The following UTS2B variants were observed in gnomAD, a reference collection of about 807,000 sequenced individuals.
UTS2B encodes urotensin-2B.
UTS2B carries 21 observed loss-of-function variants against 19.2 expected under a neutral mutation model. The observed-to-expected ratio is 1.09, with a 90% CI of 0.78 to 1.58. UTS2B has a LOEUF of 1.58. Ranked by LOEUF, UTS2B falls within the 40% of genes most tolerant of loss-of-function variation. The pLI is 0.00. For missense variants in UTS2B, 138 were observed against 130.3 expected, an observed-to-expected ratio of 1.06 and a Z score of -0.29; for synonymous variants, 57 against 50.2, an observed-to-expected ratio of 1.14 and a Z score of -0.58.
intron 4 of UTS2B, among the ~76,000 whole-genome samples, chr3:191,283,714 A>T (rs1475762255): frequency 1.3e-5 from 2 of 152,140 alleles, no homozygotes; most frequent in Non-Finnish European, 2.9e-5. Context: ...ACCCCCTTAA[A>T]CTTTACATCC....
chr3:191,329,832 C>A, intron 1 of UTS2B: 1 of 1,161,302 alleles, frequency 8.6e-7, no homozygotes, highest in Non-Finnish European at 1.2e-6. Context: ...GCCCGGTGCC[C>A]GCCCTGCGTT....
At chr3:191,279,122 C>T (rs774002521) in intron 5 of UTS2B, among the ~76,000 whole-genome samples, 1 of 151,950 alleles carries the variant, frequency 6.6e-6, no homozygotes, top group Non-Finnish European at 1.5e-5. Flanking sequence ...TTGATAAATT[C>T]AAACACTTAA....
intron 4 of UTS2B, among the ~76,000 whole-genome samples, chr3:191,304,030 C>T (rs960446976): frequency 2.6e-5 from 4 of 151,596 alleles, no homozygotes; most frequent in African/African-American, 9.7e-5. Context: ...AGTGCAGTGG[C>T]GCAATCTCGG....
chr3:191,342,637 G>A, the UTS2B span, among the ~76,000 whole-genome samples: 8 of 152,264 alleles, frequency 5.3e-5, no homozygotes, highest in East Asian at 1.4e-3. Context: ...GAGATGGGTG[G>A]CTTTTCTTTC....
the UTS2B span, among the ~76,000 whole-genome samples, chr3:191,343,652 T>A: frequency 6.6e-6 from 1 of 152,186 alleles, no homozygotes; most frequent in Non-Finnish European, 1.5e-5. Flanking sequence ...CAGTTGTTTT[T>A]TAAAGAAGGT....
chr3:191,342,172 G>C, the UTS2B span, among the ~76,000 whole-genome samples: 16 of 152,248 alleles, frequency 1.1e-4, no homozygotes, highest in African/African-American at 3.6e-4. Context: ...TTTGATTTCC[G>C]TAATCCAAGA....
At chr3:191,332,396 T>G (rs73201627), upstream of UTS2B, among the ~76,000 whole-genome samples, 14,322 of 152,208 alleles carry the variant, frequency 0.094, 724 homozygotes, top group East Asian at 0.25. Context: ...GTGAAAAGAA[T>G]CAAGTCAACT....
At chr3:191,328,294 C>A (rs959305741) in intron 2 of UTS2B, 3 of 152,194 alleles carry the variant, frequency 2.0e-5, no homozygotes, top group African/African-American at 7.2e-5. Flanking sequence ...TGAGAGTTTG[C>A]GGGTTGTAGA....
At position 191,276,829 on chromosome 3, in the gene UTS2B, T is replaced by C. The variant is rs1457633946; in HGVS notation, c.218A>G (p.Asn73Ser). Residue 73 changes from asparagine (N) to serine (S), a missense_variant, in exon 7 of 9, where the codon AAC (asparagine) becomes AGC (serine). By Grantham distance (46) the Asn-to-Ser change is conservative. Transcript: ENST00000340524. ...CACCTGGTTAAGTTCTTCCAGTTTG[T>C]TAGGTAAGGCTAGGTCTGCAAGACA... Reference protein sequence around the residue: ...RPFNTDLALPNKLEELNQLEK... With the variant: ...RPFNTDLALPSKLEELNQLEK... The C allele has an allele frequency of 6.2e-7, 1 of 1,612,334 alleles. No individual in the cohort carries two copies. The highest frequency in any genetic ancestry group is 8.5e-7 in the Non-Finnish European group (1 of 1,179,356).
chr3:191,329,993 T>G (rs1576942843), intron 1 of UTS2B, among the ~76,000 whole-genome samples: 1 of 148,642 alleles, frequency 6.7e-6, no homozygotes. Context: ...GCTGTGCCCG[T>G]GTTCTCGTGC....
chr3:191,315,169 T>C (rs1017241790), intron 3 of UTS2B, among the ~76,000 whole-genome samples: 2 of 152,076 alleles, frequency 1.3e-5, no homozygotes, highest in African/African-American at 2.4e-5. Flanking sequence ...CCTGCCACCA[T>C]GCCCAGACAA....
At chr3:191,325,033 C>G (rs1198267531) in intron 2 of UTS2B, among the ~76,000 whole-genome samples, 1 of 150,724 alleles carries the variant, frequency 6.6e-6, no homozygotes, top group African/African-American at 2.4e-5. Flanking sequence ...CTCAGTGACA[C>G]AGTGAGACTC....
intron 8 of UTS2B, 80 bp downstream of exon 8, chr3:191,275,172 C>A: frequency 9.1e-7 from 1 of 1,094,436 alleles, no homozygotes; most frequent in South Asian, 1.5e-5. Context: ...GAAATGCCAA[C>A]TGAATCTTCT....
intron 7 of UTS2B, among the ~76,000 whole-genome samples, chr3:191,275,761 G>A (rs1194299920): frequency 1.3e-5 from 2 of 150,932 alleles, no homozygotes; most frequent in African/African-American, 4.9e-5. Flanking sequence ...GAAAAAAAAA[G>A]AGAGAAAATG....
chr3:191,299,376 C>G (rs558330458), intron 4 of UTS2B, among the ~76,000 whole-genome samples: 1 of 152,342 alleles, frequency 6.6e-6, no homozygotes, highest in South Asian at 2.1e-4. Flanking sequence ...GCCCCAATAC[C>G]CTTTGCAGCC....
At chr3:191,321,426 T>G (rs1475656284) in intron 2 of UTS2B, among the ~76,000 whole-genome samples, 1 of 152,240 alleles carries the variant, frequency 6.6e-6, no homozygotes, top group Non-Finnish European at 1.5e-5. Context: ...AGTAAAATTG[T>G]GGGTACTCAA....
At chr3:191,302,698 A>G (rs1717035166) in intron 4 of UTS2B, among the ~76,000 whole-genome samples, 1 of 152,244 alleles carries the variant, frequency 6.6e-6, no homozygotes, top group Non-Finnish European at 1.5e-5. Flanking sequence ...CTTTGCTAAG[A>G]CATGGAGATT....
At chr3:191,317,002 CT>C (rs1486831084) in intron 2 of UTS2B, among the ~76,000 whole-genome samples, 1 of 152,268 alleles carries the variant, frequency 6.6e-6, no homozygotes, top group African/African-American at 2.4e-5. Context: ...TAGTCCCGCA[CT>C]GCGTGCCTGC....
intron 5 of UTS2B, 118 bp from the exon 6 acceptor site, chr3:191,278,288 G>A (rs1716293787): frequency 1.8e-6 from 1 of 554,662 alleles, no homozygotes. Context: ...TGTAGAGAGA[G>A]TGTATAGTCT....
Sources: allele counts gnomAD v4.1 joint callset (sites outside exome capture counted in the v4.1 genomes callset), GRCh38; gene constraint gnomAD v4.1.1; transcripts MANE v1.5; gene names NCBI Gene and HGNC (gene_info 2026-07-23, HGNC 2026-07-21).